ROR1: variants seen among roughly 807,000 people sequenced by gnomAD.
ROR1 encodes the protein inactive tyrosine-protein kinase transmembrane receptor ROR1.
Under a neutral mutation model 78.8 loss-of-function variants are expected in ROR1, and 19 were observed. The ratio of observed to expected loss-of-function variants is 0.24; its 90% CI spans 0.17 to 0.35. ROR1 has a LOEUF of 0.35. Among genes scored for constraint, ROR1 ranks in the 10% least tolerant of loss-of-function variants. The probability of loss-of-function intolerance (pLI) is 1.00; values close to 1 mark genes in which losing one functional copy is unlikely to be tolerated. For missense variants in ROR1, 917 were observed against 1,177.8 expected, an observed-to-expected ratio of 0.78 and a Z score of 3.24; for synonymous variants, 386 against 433.6, an observed-to-expected ratio of 0.89 and a Z score of 1.36.
At chr1:63,835,675 T>A (rs1315502022) in intron 1 of ROR1, among the ~76,000 whole-genome samples, 2 of 152,236 alleles carry the variant, frequency 1.3e-5, no homozygotes. Context: ...GACATTGTCC[T>A]TCCTTTTGAG....
chr1:64,138,289 C>T (rs1649184341), intron 5 of ROR1, among the ~76,000 whole-genome samples: 1 of 152,126 alleles, frequency 6.6e-6, no homozygotes, highest in South Asian at 2.1e-4. Flanking sequence ...AATAAAAATT[C>T]AGGATACCCA....
At chr1:64,160,279 A>G (rs957420230) in intron 8 of ROR1, among the ~76,000 whole-genome samples, 8 of 148,928 alleles carry the variant, frequency 5.4e-5, no homozygotes, top group Non-Finnish European at 1.2e-4. Context: ...CAGAGCCCTC[A>G]TTTTTTTTTC....
chr1:64,024,348 G>A (rs1241876690), intron 2 of ROR1, among the ~76,000 whole-genome samples: 1 of 152,096 alleles, frequency 6.6e-6, no homozygotes, highest in Non-Finnish European at 1.5e-5. Flanking sequence ...GGGCATGGTG[G>A]CATGCACCTG....
At chr1:64,052,825 T>G (rs1569635883) in intron 4 of ROR1, among the ~76,000 whole-genome samples, 1 of 152,290 alleles carries the variant, frequency 6.6e-6, no homozygotes, top group East Asian at 1.9e-4. Flanking sequence ...GTTTTTGGCA[T>G]TCCTAGTTGG....
At chr1:64,017,809 T>C (rs1333896293) in intron 2 of ROR1, among the ~76,000 whole-genome samples, 2 of 152,140 alleles carry the variant, frequency 1.3e-5, no homozygotes, top group Non-Finnish European at 2.9e-5. Flanking sequence ...CCGAGCAAGC[T>C]TGGAAGTGTT....
At chr1:64,119,468 G>A (rs902294102) in intron 4 of ROR1, among the ~76,000 whole-genome samples, 12 of 151,844 alleles carry the variant, frequency 7.9e-5, no homozygotes, top group African/African-American at 1.2e-4. Flanking sequence ...GTGAAACCTC[G>A]TCTCTACTAA....
At chr1:63,949,436 T>A (rs1241799635) in intron 1 of ROR1, among the ~76,000 whole-genome samples, 1 of 152,168 alleles carries the variant, frequency 6.6e-6, no homozygotes, top group Non-Finnish European at 1.5e-5. Flanking sequence ...ACAGCCACAT[T>A]TGAATAATGT....
Position 64,179,146 on chromosome 1 carries a change from A to G in ROR1, c.*291A>G, listed in dbSNP as rs374982033. 2.5e-4 allele frequency: 72 copies of G among 291,962 alleles called. No individual in the cohort carries two copies. The highest frequency in any genetic ancestry group is 1.4e-3 in the African/African-American group (64 of 45,418). 18.1% of individuals were successfully genotyped at this position (291,962 alleles called of 1,614,324 possible). A position where few individuals can be genotyped will look rare whatever the true frequency, so the allele number is the denominator to read the frequency against. ...TTTCGAGCACTGAAAGCTGCAAACC[A>G]GTGAAGAGGAAAAGAACCTTGTGAT... On this transcript the variant is annotated 3_prime_UTR_variant, in exon 9 of 9. Transcript: ENST00000371079.
At chr1:63,815,031 C>G (rs1414681419) in intron 1 of ROR1, among the ~76,000 whole-genome samples, 2 of 152,184 alleles carry the variant, frequency 1.3e-5, no homozygotes, top group Admixed American at 1.3e-4. Context: ...ATTGCCTTCA[C>G]TTTTTGCCTA....
At chr1:63,985,603 A>G (rs1436077592) in intron 1 of ROR1, among the ~76,000 whole-genome samples, 1 of 152,064 alleles carries the variant, frequency 6.6e-6, no homozygotes, top group Non-Finnish European at 1.5e-5. Context: ...GGGGCCAGGC[A>G]TGGTGGTTCA....
intron 1 of ROR1, among the ~76,000 whole-genome samples, chr1:63,860,446 C>T (rs961304994): frequency 7.2e-5 from 11 of 151,772 alleles, no homozygotes; most frequent in East Asian, 1.9e-4. Context: ...GGAGGCTGGG[C>T]GCAGTGGCTC....
chr1:64,104,851 C>T (rs1413785414), intron 4 of ROR1, among the ~76,000 whole-genome samples: 1 of 152,154 alleles, frequency 6.6e-6, no homozygotes, highest in Non-Finnish European at 1.5e-5. Context: ...TTTCTTTATC[C>T]AGTCTATCAT....
intron 1 of ROR1, among the ~76,000 whole-genome samples, chr1:63,990,710 C>T (rs557385932): frequency 5.5e-4 from 84 of 152,112 alleles, no homozygotes; most frequent in African/African-American, 2.0e-3. Flanking sequence ...AACCTAGTTC[C>T]TCATGTATTA....
intron 8 of ROR1, among the ~76,000 whole-genome samples, chr1:64,168,271 T>C (rs1235507038): frequency 3.3e-5 from 5 of 152,186 alleles, no homozygotes; most frequent in Non-Finnish European, 7.3e-5. Context: ...ATTTGTAAAA[T>C]AGGTGTGAGT....
At chr1:64,082,333 G>T (rs377565552) in intron 4 of ROR1, among the ~76,000 whole-genome samples, 1 of 152,092 alleles carries the variant, frequency 6.6e-6, no homozygotes. Context: ...ATAAATTAAG[G>T]GTTGTAAATT....
chr1:63,951,476 C>A (rs1384646106), intron 1 of ROR1, among the ~76,000 whole-genome samples: 2 of 152,126 alleles, frequency 1.3e-5, no homozygotes, highest in African/African-American at 4.8e-5. Flanking sequence ...CTGGGGAGAA[C>A]TCGTCTCTGA....
intron 1 of ROR1, among the ~76,000 whole-genome samples, chr1:63,785,272 G>A (rs1407233815): frequency 6.6e-6 from 1 of 152,098 alleles, no homozygotes; most frequent in Non-Finnish European, 1.5e-5. Flanking sequence ...AGTATTGGCT[G>A]TTTTTCTTTT....
intron 7 of ROR1, among the ~76,000 whole-genome samples, chr1:64,148,179 A>G (rs1303504952): frequency 1.3e-5 from 2 of 152,216 alleles, no homozygotes; most frequent in East Asian, 3.8e-4. Context: ...CTATCCCCCT[A>G]GGAGTAGGTT....
intron 1 of ROR1, among the ~76,000 whole-genome samples, chr1:63,994,516 A>T: frequency 6.6e-6 from 1 of 152,168 alleles, no homozygotes; most frequent in East Asian, 1.9e-4. Flanking sequence ...AGGTCTTCAC[A>T]CTACAAGGAC....
Sources: gnomAD v4.1 joint callset for allele counts (sites outside exome capture counted in the v4.1 genomes callset) on GRCh38, gnomAD v4.1.1 for gene constraint, MANE v1.5 for transcripts, NCBI Gene and HGNC (gene_info 2026-07-23, HGNC 2026-07-21) for gene names.